Variants in ZFHX3 observed in about 807,000 individuals in gnomAD.
The protein encoded by ZFHX3 is zinc finger homeobox 3.
In ZFHX3, 42 loss-of-function variants were observed where a neutral mutation model predicts 279.1. The observed-to-expected ratio is 0.15, with a 90% CI of 0.12 to 0.19. ZFHX3 has a LOEUF of 0.19. Ranked by LOEUF, ZFHX3 falls within the 10% of genes least tolerant of loss-of-function variation. The probability of loss-of-function intolerance (pLI) is 1.00; values close to 1 mark genes in which losing one functional copy is unlikely to be tolerated. For missense variants in ZFHX3, 4,981 were observed against 4,754.0 expected (o/e 1.05, Z -1.40); for synonymous variants, 2,293 against 1,957.8 (o/e 1.17, Z -4.52).
chr16:73,592,934 G>A (rs2052014431), intron 2 of ZFHX3, among the ~76,000 whole-genome samples: 1 of 151,912 alleles, frequency 6.6e-6, no homozygotes, highest in Admixed American at 6.6e-5. Flanking sequence ...TTAGTAATGA[G>A]AATGAAAATG....
rs72793297 is a variant in ZFHX3, at chr16:72,845,699, T to C, written c.3449-15840A>G. On this transcript the variant is annotated intron_variant, in intron 4 of 9. Coordinates refer to ENST00000268489, the MANE Select transcript of ZFHX3 (RefSeq NM_006885.4). Reference sequence around the variant, plus strand: ...CAAAACACTGACGACTTTCCCTTTCTCCTGCCTGTGTAGACCCCTTCACCA... The same window carrying C: ...CAAAACACTGACGACTTTCCCTTTCCCCTGCCTGTGTAGACCCCTTCACCA... Among the ~76,000 whole-genome samples the C allele has an allele frequency of 6.2e-3, 943 of 152,264 alleles. 4 individuals carry two copies. The highest frequency in any genetic ancestry group is 0.011 in the Admixed American group (175 of 15,302).
At chr16:73,523,818 C>T (rs1436624164) in intron 2 of ZFHX3, among the ~76,000 whole-genome samples, 2 of 151,946 alleles carry the variant, frequency 1.3e-5, no homozygotes, top group Non-Finnish European at 2.9e-5. Context: ...TTAGATGTGG[C>T]AATTCAGACA....
At chr16:72,905,550 C>T (rs2039147210) in intron 3 of ZFHX3, among the ~76,000 whole-genome samples, 1 of 152,144 alleles carries the variant, frequency 6.6e-6, no homozygotes, top group Non-Finnish European at 1.5e-5. Context: ...ATCAAGACCA[C>T]AGAAGAAAGG....
rs1055383338 is a variant in ZFHX3, at chr16:73,190,489, C to T, written c.-1103-46658G>A. Among the ~76,000 whole-genome samples, 14 of 152,186 alleles carry T rather than the reference C, an allele frequency of 9.2e-5. 1 individual carries two copies. Among genetic ancestry groups the T allele is most frequent in the Admixed American group, 3.9e-4 (6 of 15,276 alleles). On this transcript the variant is annotated intron_variant, in intron 5 of 17. Transcript: ENST00000641206. The stretch of plus-strand genomic sequence containing the variant: ...GTTTTTCCAGCCATAAAACAGGGAA[C>T]TTAATGATTGCTTGCATCATAGAAA...
chr16:73,254,242 T>C (rs1209257025), intron 5 of ZFHX3, among the ~76,000 whole-genome samples: 1 of 152,166 alleles, frequency 6.6e-6, no homozygotes, highest in Non-Finnish European at 1.5e-5. Context: ...TCTTACCGGA[T>C]CCATCCTTCC....
intron 1 of ZFHX3, among the ~76,000 whole-genome samples, chr16:73,055,474 G>T (rs1179983066): frequency 6.6e-6 from 1 of 152,110 alleles, no homozygotes; most frequent in Non-Finnish European, 1.5e-5. Flanking sequence ...CCTCTGAGCA[G>T]CTGACCTGAC....
intron 3 of ZFHX3, among the ~76,000 whole-genome samples, chr16:73,363,895 G>C (rs1326145568): frequency 2.6e-5 from 4 of 152,064 alleles, no homozygotes; most frequent in Non-Finnish European, 5.9e-5. Context: ...CTACAGTTCT[G>C]GGCACGGCAG....
chr16:72,991,976 TG>T (rs2144572269), intron 1 of ZFHX3, among the ~76,000 whole-genome samples: 1 of 152,060 alleles, frequency 6.6e-6, no homozygotes, highest in Admixed American at 6.5e-5. Flanking sequence ...GAGGATCCCG[TG>T]AAAAGAAAAA....
chr16:73,838,462 A>G (rs867491533), intron 1 of ZFHX3, among the ~76,000 whole-genome samples: 43 of 152,220 alleles, frequency 2.8e-4, no homozygotes, highest in African/African-American at 1.0e-3. Flanking sequence ...ACATGGTAAA[A>G]TCAGCTACAT....
chr16:73,547,718 T>A (rs538670430), intron 2 of ZFHX3, among the ~76,000 whole-genome samples: 1 of 152,288 alleles, frequency 6.6e-6, no homozygotes, highest in East Asian at 1.9e-4. Flanking sequence ...GAGGGACATG[T>A]CCCTGATGGA....
intron 1 of ZFHX3, among the ~76,000 whole-genome samples, chr16:73,808,907 G>A (rs1031730895): frequency 2.6e-5 from 4 of 152,316 alleles, no homozygotes; most frequent in Admixed American, 2.6e-4. Flanking sequence ...AGGACATCCA[G>A]AAGTTTAAGA....
At chr16:73,278,472 G>A (rs2014364014) in intron 4 of ZFHX3, among the ~76,000 whole-genome samples, 3 of 152,218 alleles carry the variant, frequency 2.0e-5, no homozygotes, top group Admixed American at 6.5e-5. Context: ...CAAGGTGAGT[G>A]TCAACAGCTC....
At chr16:72,963,366 C>CA (rs1229493659) in intron 1 of ZFHX3, among the ~76,000 whole-genome samples, 1 of 152,206 alleles carries the variant, frequency 6.6e-6, no homozygotes, top group Non-Finnish European at 1.5e-5. Flanking sequence ...ATGTTGCACT[C>CA]AACATATGGG....
At chr16:73,288,958 G>C (rs1350570707) in intron 4 of ZFHX3, among the ~76,000 whole-genome samples, 1 of 148,010 alleles carries the variant, frequency 6.8e-6, no homozygotes, top group African/African-American at 2.5e-5. Context: ...TTTGTCTCTT[G>C]TTATACCTTT....
At chr16:73,338,748 C>G (rs1431961950) in intron 3 of ZFHX3, among the ~76,000 whole-genome samples, 1 of 152,054 alleles carries the variant, frequency 6.6e-6, no homozygotes, top group East Asian at 1.9e-4. Flanking sequence ...GATGTGTGTC[C>G]CTGCTCAAAT....
chr16:72,793,383 A>G lies in ZFHX3; in HGVS notation c.9299T>C (p.Met3100Thr). 6.2e-7 allele frequency: 1 copy of G among 1,614,190 alleles called. No homozygotes were observed. Among genetic ancestry groups the G allele is most frequent in the Non-Finnish European group, 8.5e-7 (1 of 1,180,036 alleles). Reference sequence around the variant, plus strand: ...GGCCTGAAGAGGGGTGTTGTCAAACATCCCTTGCTGCTGAGCTGCCAGTCC... The same window carrying G: ...GGCCTGAAGAGGGGTGTTGTCAAACGTCCCTTGCTGCTGAGCTGCCAGTCC... ...VLGLAAQQQG[M>T]FDNTPLQALN... The change falls in exon 9 of 10, where the codon ATG becomes ACG. Residue 3100 changes from methionine to threonine, a missense_variant. Met to Thr is a moderately conservative substitution (Grantham distance 81, BLOSUM62 -1). This residue lies in a region of ZFHX3 where 1,034 missense variants were observed against 786.0 expected (regional missense o/e 1.32). Transcript: ENST00000268489. The surrounding 1 kb of genome is among the most constrained non-coding windows in gnomAD (Gnocchi z 4.3).
chr16:73,639,461 TTTA>T lies in ZFHX3; in HGVS notation c.-1547+40716_-1547+40718del, dbSNP rs1346364993. 3.3e-5 allele frequency among the ~76,000 whole-genome samples: 5 copies of T among 152,184 alleles called. No individual in the cohort carries two copies. In the East Asian group the frequency reaches 7.7e-4, roughly 23 times the overall value. On this transcript the variant is annotated intron_variant, in intron 2 of 17. Transcript: ENST00000641206. ...AGGTTCAATAGTCATTGAAGAGATC[TTTA>T]TTAACATGCTCTTGAGAGCAGAGTG...
At chr16:73,633,953 T>C (rs1237520009) in intron 2 of ZFHX3, among the ~76,000 whole-genome samples, 1 of 151,926 alleles carries the variant, frequency 6.6e-6, no homozygotes, top group East Asian at 1.9e-4. Flanking sequence ...TTATTTCTAA[T>C]AGTAAAATAT....
chr16:73,704,400 C>T (rs1349639299), intron 1 of ZFHX3, among the ~76,000 whole-genome samples: 1 of 151,962 alleles, frequency 6.6e-6, no homozygotes, highest in Non-Finnish European at 1.5e-5. Context: ...AAAGAAAATG[C>T]AAGATTAAAA....
Sources: gnomAD v4.1 joint callset for allele counts (sites outside exome capture counted in the v4.1 genomes callset) on GRCh38, gnomAD v4.1.1 for gene constraint, gnomAD v4.1.1 regional missense constraint, Gnocchi (gnomAD v3.1) non-coding constraint, MANE v1.5 for transcripts, NCBI Gene and HGNC (gene_info 2026-07-23, HGNC 2026-07-21) for gene names.